Variants in PNN observed in about 807,000 individuals in gnomAD.
The protein encoded by PNN is pinin.
Under a neutral mutation model 76.6 loss-of-function variants are expected in PNN, and 38 were observed. The ratio of observed to expected loss-of-function variants is 0.50; its 90% confidence interval spans 0.38 to 0.65. The LOEUF is 0.65. Ranked by LOEUF, PNN falls within the 30% of genes least tolerant of loss-of-function variation. The pLI is 0.00. For synonymous variants in PNN, 366 were observed against 283.7 expected (o/e 1.29, Z -2.91); for missense variants, 873 against 874.1 (o/e 1.00, Z 0.02).
At chr14:39,177,966 G>A in intron 6 of PNN, 50 bp downstream of exon 6, 2 of 1,106,700 alleles carry the variant, frequency 1.8e-6, no homozygotes, top group African/African-American at 1.6e-5. Context: ...TATCAAAGTA[G>A]TAGATTAATG....
rs201839930 is a variant in PNN at position 39,176,130 on chromosome 14, C to A, written c.166C>A (p.Arg56Ser). Residue 56 changes from arginine (R) to serine (S), a missense_variant, in exon 2 of 9, where the codon CGT becomes AGT. Around this residue, in one of 3 missense-constraint regions of PNN, gnomAD observed 156 missense variants for 161.7 expected, o/e 0.96. Coordinates refer to ENST00000216832, the MANE Select transcript of PNN (RefSeq NM_002687.4). ...TTCTGGTCCTGGTGGAGGTAGAGGA[C>A]GTGGTAGTTTATTACTGAGGTAAGA... ...ALSGPGGGRGRGSLLLRRGFS... is the reference protein window; with the variant it reads ...ALSGPGGGRGSGSLLLRRGFS... The A allele has an allele frequency of 3.1e-6, 5 of 1,602,018 alleles. No homozygotes were observed. The African/African-American group carries it at 6.7e-5, about 21-fold the overall frequency.
Position 39,176,522 on chromosome 14 carries a change from T to A in PNN, c.186-5T>A, listed in dbSNP as rs1166051629. 6.3e-7 allele frequency: 1 copy of A among 1,598,692 alleles called. No homozygotes were observed. The highest frequency in any genetic ancestry group is 1.1e-5 in the South Asian group (1 of 88,570). The stretch of plus-strand genomic sequence containing the variant: ...GTGTTTTATGTTGAACATTTTAAAT[T>A]TCAGGCGTGGATTCTCAGATAGTGG... On this transcript the variant is annotated splice_region_variant and splice_polypyrimidine_tract_variant and intron_variant, in intron 2 of 8. Transcript: ENST00000216832.
At chr14:39,178,531 C>CA (rs1223001469) in intron 6 of PNN, among the ~76,000 whole-genome samples, 3 of 150,334 alleles carry the variant, frequency 2.0e-5, no homozygotes, top group Non-Finnish European at 4.4e-5. Flanking sequence ...AACTCCATCT[C>CA]AAAAAAAGAA....
chr14:39,175,524 T>A, intron 1 of PNN, 132 bp downstream of exon 1: 1 of 676,788 alleles, frequency 1.5e-6, no homozygotes, highest in Admixed American at 2.6e-5. Flanking sequence ...GGGCGGCGGG[T>A]AAAACCCTGT....
In PNN at chr14:39,176,747, G is replaced by A. The variant is rs917528948; in HGVS notation, c.254+152G>A. Reference sequence around the variant, plus strand: ...CCCCAAGTTCTGTTGGTATTTGACTGAACAGTTGACTATCAGTTCCCTCAA... The same window carrying A: ...CCCCAAGTTCTGTTGGTATTTGACTAAACAGTTGACTATCAGTTCCCTCAA... On this transcript the variant is annotated intron_variant, in intron 3 of 8. Coordinates refer to ENST00000216832, the MANE Select transcript of PNN (RefSeq NM_002687.4). 5 of 623,768 alleles carry A rather than the reference G, an allele frequency of 8.0e-6. No individual in the cohort carries two copies. The African/African-American group carries it at 9.4e-5, about 12-fold the overall frequency. 38.6% of individuals were successfully genotyped at this position (623,768 alleles called of 1,614,324 possible).
intron 8 of PNN, 70 bp from the exon 9 acceptor site, chr14:39,180,433 C>T: frequency 1.4e-6 from 2 of 1,427,352 alleles, no homozygotes; most frequent in Non-Finnish European, 1.9e-6. Flanking sequence ...AATTTGTGAC[C>T]AGTTATAAAA....
At position 39,181,092 on chromosome 14, in the gene PNN, A is replaced by T; in HGVS notation, c.1383A>T (p.Lys461Asn). The stretch of plus-strand genomic sequence containing the variant: ...ACATGGAAAAGGAGTCTGAGGAAAA[A>T]GAAGAAAAAGAATCTGAGCCCCAAC... The part of the protein sequence containing the change: ...ALDMEKESEE[K>N]EEKESEPQPE... The change falls in exon 9 of 9, where the codon AAA becomes AAT. Residue 461 changes from lysine (K) to asparagine (N), a missense_variant. By Grantham distance (94) the Lys-to-Asn change is moderately conservative. Coordinates refer to ENST00000216832, the MANE Select transcript of PNN (RefSeq NM_002687.4). 1 of 1,613,122 alleles carries T rather than the reference A, an allele frequency of 6.2e-7. No homozygotes were observed. Among genetic ancestry groups the T allele is most frequent in the Non-Finnish European group, 8.5e-7 (1 of 1,179,152 alleles).
chr14:39,181,821 T>G lies in PNN; in HGVS notation c.2112T>G (p.Ser704Arg). Residue 704 changes from serine (S) to arginine (R), a missense_variant, in exon 9 of 9, where the codon AGT (serine) becomes AGG (arginine). This residue lies in a region of PNN where 712 missense variants were observed against 693.1 expected (regional missense o/e 1.03). Transcript: ENST00000216832. The part of the protein sequence containing the change: ...SSRSGKRSSR[S>R]ERDRKSDRKD... ...GATCAGGCAAAAGATCTTCAAGAAG[T>G]GAAAGAGACCGAAAATCAGACAGGA... The G allele has an allele frequency of 6.2e-7, 1 of 1,603,600 alleles. No homozygotes were observed. The highest frequency in any genetic ancestry group is 1.1e-5 in the South Asian group (1 of 88,784).
Position 39,177,425 on chromosome 14 carries a change from C to T in PNN, c.268C>T (p.Arg90Cys), listed in dbSNP as rs2053236134. ...EGAVSRLGGE[R>C]RTRRESRQES... ...TTTCTATGACAGGCTGGGCGGGGAG[C>T]GTCGGACCAGAAGAGAATCACGCCA... The change falls in exon 4 of 9, where the codon CGT (arginine) becomes TGT (cysteine). Residue 90 changes from arginine (R) to cysteine (C), a missense_variant. Arg to Cys is a radical substitution (Grantham distance 180, BLOSUM62 -3). Transcript: ENST00000216832. 2.5e-6 allele frequency: 4 copies of T among 1,613,596 alleles called. No individual in the cohort carries two copies. The highest frequency in any genetic ancestry group is 3.4e-6 in the Non-Finnish European group (4 of 1,179,620).
chr14:39,175,712 C>T (rs141363995), intron 1 of PNN: 2 of 466,262 alleles, frequency 4.3e-6, no homozygotes, highest in East Asian at 9.0e-5. Context: ...AGCCCCTTCC[C>T]GCTCCGGCGG....
rs1270274613 is a variant in PNN at position 39,182,143 on chromosome 14, T to C, written c.*280T>C. The C allele has an allele frequency of 1.1e-5, 3 of 265,428 alleles. No homozygotes were observed. Among genetic ancestry groups the C allele is most frequent in the Non-Finnish European group, 2.1e-5 (3 of 140,280 alleles). The allele number at this position is 265,428 out of a possible 1,614,324, so 16.4% of individuals were successfully genotyped here. On this transcript the variant is annotated 3_prime_UTR_variant, in exon 9 of 9. Transcript: ENST00000216832. ...GTCATCTTTTTTAAATATCCTATACTCTTCAGTAAGAATCTGTATATTTTA... is the reference window on the plus strand; with the variant it reads ...GTCATCTTTTTTAAATATCCTATACCCTTCAGTAAGAATCTGTATATTTTA...
In PNN at chr14:39,175,743, C is replaced by A. The variant is rs1873984760; in HGVS notation, c.114-335C>A. 8.6e-6 allele frequency: 4 copies of A among 466,138 alleles called. No individual in the cohort carries two copies. The Admixed American group carries it at 1.2e-4, about 14-fold the overall frequency. The allele number at this position is 466,138 out of a possible 1,614,324, so 28.9% of individuals were successfully genotyped here. On this transcript the variant is annotated intron_variant, in intron 1 of 8. Coordinates refer to ENST00000216832, the MANE Select transcript of PNN (RefSeq NM_002687.4). ...GGCGGACACCCGGCCCGTTGCTGGC[C>A]CCGAGACCCTGCCGGGACGCAACAA... is the stretch of plus-strand genomic sequence containing the variant.
chr14:39,180,428 G>T lies in PNN; in HGVS notation c.794-75G>T, dbSNP rs1433523209. On this transcript the variant is annotated intron_variant, in intron 8 of 8. Coordinates refer to ENST00000216832, the MANE Select transcript of PNN (RefSeq NM_002687.4). ...TTCAGATGAAGCTTAATGACAATTT[G>T]TGACCAGTTATAAAATTATGGCTTT... The T allele has an allele frequency of 2.8e-6, 4 of 1,420,270 alleles. No individual in the cohort carries two copies. In the African/African-American group the frequency reaches 4.3e-5, roughly 15 times the overall value. The allele number at this position is 1,420,270 out of a possible 1,614,324, so 88.0% of individuals were successfully genotyped here.
Position 39,177,622 on chromosome 14 carries a change from C to A in PNN, c.357C>A (p.Thr119=). ...CATTGCAGTCTTCAGTTGTAGCTACCTCCAAAGAGCGCACACGTAGAGACC... is the reference window on the plus strand; with the variant it reads ...CATTGCAGTCTTCAGTTGTAGCTACATCCAAAGAGCGCACACGTAGAGACC... ...KPALQSSVVA[T]SKERTRRDLI... The change falls in exon 5 of 9, where the codon ACC becomes ACA. Residue 119 remains threonine (T), a synonymous_variant. Coordinates refer to ENST00000216832, the MANE Select transcript of PNN (RefSeq NM_002687.4). 6.2e-7 allele frequency: 1 copy of A among 1,613,880 alleles called. No homozygotes were observed. The highest frequency in any genetic ancestry group is 8.5e-7 in the Non-Finnish European group (1 of 1,179,838).
chr14:39,177,975 T>C, intron 6 of PNN, 59 bp downstream of exon 6: 1 of 1,085,400 alleles, frequency 9.2e-7, no homozygotes, highest in Non-Finnish European at 1.4e-6. Context: ...AGTAGATTAA[T>C]GTTTTTTTTA....
intron 1 of PNN, chr14:39,175,800 A>G (rs2053218658): frequency 4.1e-6 from 2 of 485,498 alleles, no homozygotes; most frequent in African/African-American, 2.0e-5. Context: ...GTCCACGTGC[A>G]GCCTCCTCGG....
intron 3 of PNN, 45 bp downstream of exon 3, chr14:39,176,640 G>T: frequency 9.1e-7 from 1 of 1,097,916 alleles, no homozygotes; most frequent in Non-Finnish European, 1.4e-6. Flanking sequence ...AGTTTCTGAG[G>T]TACCACACAA....
chr14:39,179,053 C>T (rs1315970297), intron 6 of PNN, 38 bp from the exon 7 acceptor site: 6 of 1,578,500 alleles, frequency 3.8e-6, no homozygotes, highest in Non-Finnish European at 5.2e-6. Context: ...GTAACTATTT[C>T]AACACGTAAG....
chr14:39,180,913 G>C lies in PNN; in HGVS notation c.1204G>C (p.Asp402His), dbSNP rs2053264464. Residue 402 changes from aspartate to histidine, a missense_variant, in exon 9 of 9, where the codon GAC becomes CAC. By Grantham distance (81) the Asp-to-His change is moderately conservative (BLOSUM62 -1). Transcript: ENST00000216832. ...MVENVKHVIA[D>H]QEVMETNRVE... The stretch of plus-strand genomic sequence containing the variant: ...TGAGAATGTCAAACATGTAATTGCT[G>C]ACCAGGAGGTAATGGAAACTAATCG... The C allele has an allele frequency of 6.2e-7, 1 of 1,614,004 alleles. No homozygotes were observed. Among genetic ancestry groups the C allele is most frequent in the Admixed American group, 1.7e-5 (1 of 60,000 alleles).
Sources: allele counts gnomAD v4.1 joint callset (sites outside exome capture counted in the v4.1 genomes callset), GRCh38; gene constraint gnomAD v4.1.1; regional missense constraint gnomAD v4.1.1; transcripts MANE v1.5; gene names NCBI Gene and HGNC (gene_info 2026-07-23, HGNC 2026-07-21).